CRACD: variants seen among roughly 807,000 people sequenced by gnomAD.
CRACD encodes the protein capping protein inhibiting regulator of actin dynamics, also known as capping protein-inhibiting regulator of actin dynamics.
Under a neutral mutation model 106.8 loss-of-function variants are expected in CRACD, and 56 were observed. The observed-to-expected ratio is 0.52, with a 90% CI of 0.42 to 0.66. The LOEUF (loss-of-function observed/expected upper bound fraction) is 0.66. CRACD is among the 30% of genes least tolerant of loss of function. The pLI is 0.00. For synonymous variants in CRACD, 754 were observed against 670.8 expected, an observed-to-expected ratio of 1.12 and a Z score of -1.92; for missense variants, 1,730 against 1,623.2, an observed-to-expected ratio of 1.07 and a Z score of -1.13.
At chr4:56,244,962 C>G (rs1740601858) in intron 2 of CRACD, among the ~76,000 whole-genome samples, 2 of 152,238 alleles carry the variant, frequency 1.3e-5, no homozygotes, top group South Asian at 4.1e-4. Context: ...TAATTACCCA[C>G]TGCTCCCTGA....
At chr4:56,144,791 T>C (rs963351069) in intron 1 of CRACD, among the ~76,000 whole-genome samples, 1 of 152,074 alleles carries the variant, frequency 6.6e-6, no homozygotes, top group Non-Finnish European at 1.5e-5. Flanking sequence ...GTAGCTGGGA[T>C]TACAGGCACT....
intron 1 of CRACD, among the ~76,000 whole-genome samples, chr4:56,090,142 TC>T (rs899794785): frequency 6.7e-6 from 1 of 148,210 alleles, no homozygotes; most frequent in African/African-American, 2.5e-5. Flanking sequence ...AACTTTATTT[TC>T]CTTTTTTTTA....
intron 1 of CRACD, among the ~76,000 whole-genome samples, chr4:56,132,517 G>C (rs950412360): frequency 6.6e-6 from 1 of 151,642 alleles, no homozygotes; most frequent in African/African-American, 2.4e-5. Flanking sequence ...TAATTTTTTT[G>C]TATTTTTTGT....
At chr4:56,309,013 TAACA>T (rs1744950042) in intron 5 of CRACD, 2 of 632,160 alleles carry the variant, frequency 3.2e-6, no homozygotes, top group East Asian at 6.6e-5. Context: ...TGAGAGGGTG[TAACA>T]AACAACAAAC....
At chr4:56,324,459 A>G (rs1174170853) in intron 10 of CRACD, among the ~76,000 whole-genome samples, 193 bp downstream of exon 10, 2 of 152,238 alleles carry the variant, frequency 1.3e-5, no homozygotes, top group South Asian at 2.1e-4. Context: ...CTCACCCACT[A>G]TCAGTGGTGT....
chr4:56,314,424 C>CGGAGGGAGCGGAGGGAGT lies in CRACD; in HGVS notation c.923_924insGAGGGAGCGGAGGGAGTG (p.Arg308_Glu309insArgGluArgArgGluCys). The CGGAGGGAGCGGAGGGAGT allele has an allele frequency of 6.5e-7, 1 of 1,542,900 alleles. No homozygotes were observed. On this transcript the variant is annotated inframe_insertion, in exon 8 of 11. Transcript: ENST00000682029. This position sits in a 1 kb window ranked among gnomAD's most constrained non-coding sequence, Gnocchi z 4.4. ...TTGGGAGGACGCGGAGCGGAGGGAG[C>CGGAGGGAGCGGAGGGAGT]GTGAGGAGCGCGAGCGCCTGGAGGC...
At chr4:56,191,837 A>G (rs561857774) in intron 2 of CRACD, among the ~76,000 whole-genome samples, 11 of 152,330 alleles carry the variant, frequency 7.2e-5, no homozygotes, top group African/African-American at 2.4e-4. Context: ...AACTCTTTTT[A>G]TAGTAACCTT....
intron 3 of CRACD, among the ~76,000 whole-genome samples, chr4:56,272,797 A>C (rs2109649075): frequency 6.6e-6 from 1 of 151,756 alleles, no homozygotes; most frequent in South Asian, 2.1e-4. Flanking sequence ...GAGGAGGATG[A>C]GGCACAAGAA....
At chr4:56,313,763 G>A (rs896311464) in intron 7 of CRACD, among the ~76,000 whole-genome samples, 1 of 152,000 alleles carries the variant, frequency 6.6e-6, no homozygotes, top group African/African-American at 2.4e-5. Context: ...GGTTTTCCTC[G>A]TTTGTTCATA....
At chr4:56,139,102 GTT>G (rs1244526999) in intron 1 of CRACD, among the ~76,000 whole-genome samples, 43 of 152,138 alleles carry the variant, frequency 2.8e-4, no homozygotes, top group Admixed American at 2.8e-3. Context: ...TTTTAAGTTT[GTT>G]TTCATCAAAA....
chr4:56,268,824 G>T (rs1742184884), intron 2 of CRACD, among the ~76,000 whole-genome samples: 1 of 152,082 alleles, frequency 6.6e-6, no homozygotes, highest in African/African-American at 2.4e-5. Context: ...TAGTGCTCTT[G>T]GATGATCTTC....
At chr4:56,153,517 C>T (rs1195146694) in intron 1 of CRACD, among the ~76,000 whole-genome samples, 1 of 152,118 alleles carries the variant, frequency 6.6e-6, no homozygotes, top group African/African-American at 2.4e-5. Flanking sequence ...TGGCTGAGCC[C>T]TCCTTCCTCC....
At chr4:56,117,006 C>A (rs1197346762) in intron 1 of CRACD, among the ~76,000 whole-genome samples, 2 of 149,490 alleles carry the variant, frequency 1.3e-5, no homozygotes, top group African/African-American at 2.5e-5. Context: ...CCACACCTAG[C>A]CGAATTTTTA....
At chr4:56,129,283 G>T (rs1367556062) in intron 1 of CRACD, among the ~76,000 whole-genome samples, 1 of 152,132 alleles carries the variant, frequency 6.6e-6, no homozygotes, top group African/African-American at 2.4e-5. Context: ...GCCCAGGCTG[G>T]TCCTGAATTT....
intron 2 of CRACD, among the ~76,000 whole-genome samples, chr4:56,259,032 A>G (rs1423829717): frequency 6.6e-6 from 1 of 152,208 alleles, no homozygotes; most frequent in African/African-American, 2.4e-5. Context: ...TGTTCAATTA[A>G]CAAGAGCGAG....
At chr4:56,109,971 T>C (rs754631837) in intron 1 of CRACD, among the ~76,000 whole-genome samples, 2 of 152,142 alleles carry the variant, frequency 1.3e-5, no homozygotes, top group Non-Finnish European at 2.9e-5. Context: ...ATGCATTTTA[T>C]ATTGAAAAGG....
intron 1 of CRACD, among the ~76,000 whole-genome samples, chr4:56,177,524 G>A (rs1424166539): frequency 6.6e-6 from 1 of 151,992 alleles, no homozygotes; most frequent in South Asian, 2.1e-4. Context: ...GGGTAATGAT[G>A]CCCTTGTAAA....
chr4:56,284,783 CA>C (rs1743241469), intron 3 of CRACD, among the ~76,000 whole-genome samples: 1 of 152,054 alleles, frequency 6.6e-6, no homozygotes, highest in Admixed American at 6.6e-5. Context: ...ACATGCAAAG[CA>C]CTTTTATTTT....
intron 2 of CRACD, among the ~76,000 whole-genome samples, chr4:56,186,477 A>G (rs1006851329): frequency 4.6e-5 from 7 of 152,180 alleles, no homozygotes; most frequent in Non-Finnish European, 8.8e-5. Context: ...GGAGCTTGAA[A>G]ACACCAACTT....
Sources: gnomAD v4.1 joint callset for allele counts (sites outside exome capture counted in the v4.1 genomes callset) on GRCh38, gnomAD v4.1.1 for gene constraint, Gnocchi (gnomAD v3.1) non-coding constraint, MANE v1.5 for transcripts, NCBI Gene and HGNC (gene_info 2026-07-23, HGNC 2026-07-21) for gene names.